Variants in ZBTB10 observed in about 807,000 individuals in gnomAD.
The protein encoded by ZBTB10 is zinc finger and BTB domain-containing protein 10.
Under a neutral mutation model 76.4 loss-of-function variants are expected in ZBTB10, and 32 were observed. The ratio of observed to expected loss-of-function variants is 0.42; its 90% confidence interval spans 0.32 to 0.56. The LOEUF (loss-of-function observed/expected upper bound fraction) is 0.56, where lower values mean the gene tolerates loss of function less well. ZBTB10 is among the 20% of genes least tolerant of loss of function. The probability of loss-of-function intolerance (pLI) is 0.14; values close to 1 mark genes in which losing one functional copy is unlikely to be tolerated. For synonymous variants in ZBTB10, 523 were observed against 432.9 expected (o/e 1.21, Z -2.58); for missense variants, 1,057 against 1,098.5 (o/e 0.96, Z 0.53).
intron 1 of ZBTB10, among the ~76,000 whole-genome samples, chr8:80,494,621 A>G (rs1244427088): frequency 3.3e-5 from 5 of 151,928 alleles, no homozygotes; most frequent in Admixed American, 6.6e-5. Context: ...ATGTTGCCCT[A>G]TTAACAGTAG....
rs755196167 is a variant in ZBTB10, at chr8:80,499,716, G to C, written c.1195G>C (p.Glu399Gln). 5 of 1,613,892 alleles carry C rather than the reference G, an allele frequency of 3.1e-6. No individual in the cohort carries two copies. Among genetic ancestry groups the C allele is most frequent in the South Asian group, 1.1e-5 (1 of 91,068 alleles). The change falls in exon 2 of 6, where the codon GAA becomes CAA. Residue 399 changes from glutamate (E) to glutamine (Q), a missense_variant. By Grantham distance (29) the Glu-to-Gln change is conservative. This residue lies in a region of ZBTB10 where 86 missense variants were observed against 145.7 expected (regional missense o/e 0.59). Coordinates refer to ENST00000455036, the MANE Select transcript of ZBTB10 (RefSeq NM_001105539.3). ...GACTTTATATTGCTTTTCAAACAAA[G>C]AAAGCCCTAACCAAAACAATACTAC... ...FKTLYCFSNKESPNQNNTTHL... is the reference protein window; with the variant it reads ...FKTLYCFSNKQSPNQNNTTHL...
At chr8:80,490,241 A>G (rs1815589363) in intron 1 of ZBTB10, among the ~76,000 whole-genome samples, 2 of 152,134 alleles carry the variant, frequency 1.3e-5, no homozygotes, top group Admixed American at 1.3e-4. Context: ...TAGTGCCGTT[A>G]TTTATTATCA....
At chr8:80,492,630 C>T (rs933519674) in intron 1 of ZBTB10, among the ~76,000 whole-genome samples, 17 of 152,102 alleles carry the variant, frequency 1.1e-4, no homozygotes, top group Middle Eastern at 3.4e-3. Flanking sequence ...AGGCACATGC[C>T]ACCATGCTAG....
At chr8:80,515,452 CTGTT>C (rs1159454794) in intron 3 of ZBTB10, among the ~76,000 whole-genome samples, 1 of 152,106 alleles carries the variant, frequency 6.6e-6, no homozygotes, top group East Asian at 1.9e-4. Flanking sequence ...TTTCCCCTGA[CTGTT>C]TAAAAGAATT....
At chr8:80,487,950 G>A (rs1815524196) in intron 1 of ZBTB10, among the ~76,000 whole-genome samples, 168 bp downstream of exon 1, 3 of 152,128 alleles carry the variant, frequency 2.0e-5, no homozygotes, top group Admixed American at 2.0e-4. Context: ...GGTTTAGAAA[G>A]CCTGGGAACA....
chr8:80,489,932 A>G (rs900838441), intron 1 of ZBTB10, among the ~76,000 whole-genome samples: 2 of 152,148 alleles, frequency 1.3e-5, no homozygotes, highest in Admixed American at 1.3e-4. Flanking sequence ...TCTTGAGGGG[A>G]TATCTTGTTA....
intron 2 of ZBTB10, among the ~76,000 whole-genome samples, chr8:80,505,273 C>T (rs1341497122): frequency 6.6e-6 from 1 of 152,176 alleles, no homozygotes; most frequent in Non-Finnish European, 1.5e-5. Flanking sequence ...TGACAAACTT[C>T]CTGGTACTGA....
chr8:80,499,438 G>T, intron 1 of ZBTB10, 56 bp from the exon 2 acceptor site: 1 of 1,465,642 alleles, frequency 6.8e-7, no homozygotes, highest in South Asian at 1.5e-5. Flanking sequence ...CCTTGGTTTG[G>T]GAGTTTTTAA....
intron 3 of ZBTB10, among the ~76,000 whole-genome samples, chr8:80,515,512 G>A (rs1286136726): frequency 6.6e-6 from 1 of 152,140 alleles, no homozygotes; most frequent in Non-Finnish European, 1.5e-5. Context: ...CAGATGTCTT[G>A]AATTTTAAAG....
chr8:80,489,910 C>G (rs1815579271), intron 1 of ZBTB10, among the ~76,000 whole-genome samples: 1 of 152,194 alleles, frequency 6.6e-6, no homozygotes, highest in South Asian at 2.1e-4. Context: ...TTATTACTTT[C>G]ATTATAACTA....
At chr8:80,517,657 A>C (rs10504722) in intron 3 of ZBTB10, among the ~76,000 whole-genome samples, 40,456 of 151,784 alleles carry the variant, frequency 0.27, 6,173 homozygotes, top group African/African-American at 0.42. Context: ...GTACCAATTA[A>C]TCTTAAAATT....
At chr8:80,492,153 TC>T (rs1815647123) in intron 1 of ZBTB10, among the ~76,000 whole-genome samples, 1 of 152,230 alleles carries the variant, frequency 6.6e-6, no homozygotes, top group Non-Finnish European at 1.5e-5. Context: ...CCCATTAAAT[TC>T]CGTTGTTTCT....
At position 80,486,605 on chromosome 8, in the gene ZBTB10, C is replaced by CAGCGGT; in HGVS notation, c.-201_-200insTAGCGG. ...AGAGCGGTCGGAGGCGTCGGCCCGG[C>CAGCGGT]AGCGGCAGCGGCAGCGGACGCGTGC... On this transcript the variant is annotated 5_prime_UTR_variant, in exon 1 of 6. Transcript: ENST00000455036. The CAGCGGT allele has an allele frequency of 1.0e-6, 1 of 986,688 alleles. No homozygotes were observed. Among genetic ancestry groups the CAGCGGT allele is most frequent in the Non-Finnish European group, 1.2e-6 (1 of 831,166 alleles). The allele number at this position is 986,688 out of a possible 1,614,324, so 61.1% of individuals were successfully genotyped here. A position where few individuals can be genotyped will look rare whatever the true frequency, so the allele number is the denominator to read the frequency against.
At chr8:80,514,992 C>G (rs1816290168) in intron 3 of ZBTB10, among the ~76,000 whole-genome samples, 1 of 151,952 alleles carries the variant, frequency 6.6e-6, no homozygotes, top group African/African-American at 2.4e-5. Context: ...TGAAGGAGAC[C>G]AAGGAAGTAA....
At chr8:80,500,447 A>G (rs1485639625) in intron 2 of ZBTB10, 65 bp downstream of exon 2, 10 of 1,376,430 alleles carry the variant, frequency 7.3e-6, no homozygotes, top group Admixed American at 3.1e-5. Context: ...ATAATCTTGA[A>G]GTATATTTTT....
Position 80,500,238 on chromosome 8 carries a change from A to C in ZBTB10, c.1717A>C (p.Lys573Gln). The C allele has an allele frequency of 6.3e-7, 1 of 1,593,254 alleles. No individual in the cohort carries two copies. ...MGSQGIQETG[K>Q]TRRKNQTTKR... ...CTCCCAGGGAATTCAAGAGACTGGC[A>C]AAACAAGGAGGAAAAACCAAACTAC... is the stretch of plus-strand genomic sequence containing the variant. Residue 573 changes from lysine (K) to glutamine (Q), a missense_variant, in exon 2 of 6, where the codon AAA (lysine) becomes CAA (glutamine). This residue lies in a region of ZBTB10 where 306 missense variants were observed against 297.5 expected (regional missense o/e 1.03). Coordinates refer to ENST00000455036, the MANE Select transcript of ZBTB10 (RefSeq NM_001105539.3).
rs745941007 is a variant in ZBTB10, at chr8:80,502,847, G to A, written c.1861+2465G>A. On this transcript the variant is annotated intron_variant, in intron 2 of 5. Coordinates refer to ENST00000455036, the MANE Select transcript of ZBTB10 (RefSeq NM_001105539.3). ...GTACTATGTAAACAAATGAAGGTAG[G>A]TGTGTTCCAGTAAAACTTGCCAACC... Among the ~76,000 whole-genome samples, 185 of 152,160 alleles carry A rather than the reference G, an allele frequency of 1.2e-3. 2 individuals are homozygous for A. Among genetic ancestry groups the A allele is most frequent in the Non-Finnish European group, 6.8e-4 (46 of 68,030 alleles).
At chr8:80,502,111 A>G (rs564739329) in intron 2 of ZBTB10, among the ~76,000 whole-genome samples, 97 of 152,366 alleles carry the variant, frequency 6.4e-4, no homozygotes, top group African/African-American at 2.2e-3. Flanking sequence ...ATGAACCACA[A>G]TGCATACTTT....
At chr8:80,489,207 T>C (rs1368081492) in intron 1 of ZBTB10, among the ~76,000 whole-genome samples, 1 of 152,204 alleles carries the variant, frequency 6.6e-6, no homozygotes, top group Non-Finnish European at 1.5e-5. Context: ...CTTTCTGCAA[T>C]TAACTAGCTT....
Sources: gnomAD v4.1 joint callset for allele counts (sites outside exome capture counted in the v4.1 genomes callset) on GRCh38, gnomAD v4.1.1 for gene constraint, gnomAD v4.1.1 regional missense constraint, MANE v1.5 for transcripts, NCBI Gene and HGNC (gene_info 2026-07-23, HGNC 2026-07-21) for gene names.